Variants in XKR4 observed in about 807,000 individuals in gnomAD.
The protein encoded by XKR4 is XK-related protein 4.
A neutral mutation model predicts 53.9 loss-of-function variants in XKR4; 12 were observed. That is an observed-to-expected ratio of 0.22 (90% CI 0.14 to 0.36). The LOEUF (loss-of-function observed/expected upper bound fraction) is 0.36. XKR4 is among the 10% of genes least tolerant of loss of function. The probability of loss-of-function intolerance (pLI) is 1.00; values close to 1 mark genes in which losing one functional copy is unlikely to be tolerated. For synonymous variants in XKR4, 354 were observed against 362.4 expected (o/e 0.98, Z 0.26); for missense variants, 799 against 859.5 (o/e 0.93, Z 0.88).
rs57869559 is a variant in XKR4, at chr8:55,144,805, C to CTATTTTATTT, written c.806+41536_806+41545dup. On this transcript the variant is annotated intron_variant, in intron 1 of 2. Transcript: ENST00000327381. Reference sequence around the variant, plus strand: ...ACCCTCCCTATTCACAGTATTACCACTATTTTATTTTATTTTATTTTATTT... The same window carrying CTATTTTATTT: ...ACCCTCCCTATTCACAGTATTACCACTATTTTATTTTATTTTATTTTATTTTATTTTATTT... Among the ~76,000 whole-genome samples the CTATTTTATTT allele has an allele frequency of 3.8e-3, 535 of 139,000 alleles. 8 individuals carry two copies. Among genetic ancestry groups the CTATTTTATTT allele is most frequent in the East Asian group, 0.012 (55 of 4,574 alleles). 91.2% of individuals were successfully genotyped at this position (139,000 alleles called of 152,430 possible).
intron 1 of XKR4, among the ~76,000 whole-genome samples, chr8:55,248,870 C>G (rs1251886397): frequency 6.6e-6 from 1 of 151,930 alleles, no homozygotes; most frequent in Non-Finnish European, 1.5e-5. Context: ...TGTTTTTTTC[C>G]TTATTCTACT....
chr8:55,238,269 G>A (rs1312201156), intron 1 of XKR4, among the ~76,000 whole-genome samples: 1 of 152,176 alleles, frequency 6.6e-6, no homozygotes, highest in African/African-American at 2.4e-5. Context: ...TAGGCCCAAG[G>A]CTGCTGGTTT....
chr8:55,480,197 T>G (rs1228013157), intron 2 of XKR4, among the ~76,000 whole-genome samples: 4 of 152,198 alleles, frequency 2.6e-5, no homozygotes, highest in African/African-American at 7.2e-5. Flanking sequence ...AAAAAGCTTA[T>G]CCACCACAAT....
intron 1 of XKR4, among the ~76,000 whole-genome samples, chr8:55,162,374 A>G (rs1231274603): frequency 6.6e-6 from 1 of 152,232 alleles, no homozygotes; most frequent in Non-Finnish European, 1.5e-5. Context: ...AAGCCTACTG[A>G]TCTTTGCCAT....
intron 2 of XKR4, among the ~76,000 whole-genome samples, chr8:55,491,862 T>C (rs1806277502): frequency 6.6e-6 from 1 of 152,172 alleles, no homozygotes; most frequent in Admixed American, 6.5e-5. Context: ...ATTGTTCCGT[T>C]TACAACTCCC....
intron 1 of XKR4, among the ~76,000 whole-genome samples, chr8:55,258,274 A>G (rs1818469153): frequency 6.6e-6 from 1 of 152,202 alleles, no homozygotes; most frequent in Admixed American, 6.5e-5. Context: ...GTTTGGGTGC[A>G]TCCTCACGTG....
chr8:55,369,416 GA>G (rs1366988724), intron 2 of XKR4, among the ~76,000 whole-genome samples: 2 of 109,582 alleles, frequency 1.8e-5, no homozygotes, highest in Admixed American at 8.9e-5. Flanking sequence ...GAAAGGAAGG[GA>G]AGGGAAAGGA....
intron 2 of XKR4, among the ~76,000 whole-genome samples, chr8:55,472,180 GT>G (rs987027057): frequency 6.6e-6 from 1 of 152,110 alleles, no homozygotes; most frequent in African/African-American, 2.4e-5. Flanking sequence ...TAAAGATACA[GT>G]TTTAGGGTCA....
chr8:55,474,652 T>A (rs540970319), intron 2 of XKR4, among the ~76,000 whole-genome samples: 1 of 152,252 alleles, frequency 6.6e-6, no homozygotes, highest in African/African-American at 2.4e-5. Flanking sequence ...ATGCTGAGTA[T>A]CCATCTCCCC....
At chr8:55,423,130 C>A in intron 2 of XKR4, among the ~76,000 whole-genome samples, 1 of 151,240 alleles carries the variant, frequency 6.6e-6, no homozygotes, top group Non-Finnish European at 1.5e-5. Context: ...AAGTCTTGCT[C>A]TGTTGCCCAG....
intron 1 of XKR4, among the ~76,000 whole-genome samples, chr8:55,152,418 G>T (rs981292494): frequency 6.6e-6 from 1 of 152,066 alleles, no homozygotes; most frequent in Non-Finnish European, 1.5e-5. Context: ...ACAGAAAAAT[G>T]GCAGGTTTTA....
At chr8:55,492,536 G>C (rs1806285845) in intron 2 of XKR4, among the ~76,000 whole-genome samples, 1 of 152,202 alleles carries the variant, frequency 6.6e-6, no homozygotes, top group Non-Finnish European at 1.5e-5. Flanking sequence ...TTGTGTTCTA[G>C]GCAGTCCTGA....
At chr8:55,224,850 T>C (rs537884240) in intron 1 of XKR4, among the ~76,000 whole-genome samples, 5 of 152,206 alleles carry the variant, frequency 3.3e-5, no homozygotes, top group Non-Finnish European at 5.9e-5. Context: ...CATTTCTTGT[T>C]CTATAGAAAC....
chr8:55,119,996 G>A (rs1336826925), intron 1 of XKR4, among the ~76,000 whole-genome samples: 1 of 152,196 alleles, frequency 6.6e-6, no homozygotes, highest in African/African-American at 2.4e-5. Flanking sequence ...ATACAGTATA[G>A]TGGATAATTA....
At chr8:55,391,113 C>G (rs1164700802) in intron 2 of XKR4, among the ~76,000 whole-genome samples, 2 of 152,158 alleles carry the variant, frequency 1.3e-5, no homozygotes, top group Non-Finnish European at 2.9e-5. Context: ...TGACAGAGGT[C>G]CGAATGTCTC....
chr8:55,216,329 C>T (rs549817056), intron 1 of XKR4, among the ~76,000 whole-genome samples: 1 of 152,278 alleles, frequency 6.6e-6, no homozygotes, highest in South Asian at 2.1e-4. Flanking sequence ...GGCACATGCC[C>T]TGCTTGCTAT....
intron 2 of XKR4, among the ~76,000 whole-genome samples, chr8:55,407,512 G>A (rs1028824601): frequency 2.0e-5 from 3 of 152,214 alleles, no homozygotes; most frequent in Non-Finnish European, 4.4e-5. Flanking sequence ...GCACATTCAC[G>A]GGCCTGATGA....
intron 1 of XKR4, among the ~76,000 whole-genome samples, chr8:55,200,690 C>T (rs193277420): frequency 1.3e-5 from 2 of 152,258 alleles, no homozygotes; most frequent in East Asian, 3.9e-4. Flanking sequence ...GTGATTTTTA[C>T]TGTTACAAAA....
chr8:55,393,872 T>A (rs1318256786), intron 2 of XKR4, among the ~76,000 whole-genome samples: 1 of 152,174 alleles, frequency 6.6e-6, no homozygotes, highest in Non-Finnish European at 1.5e-5. Flanking sequence ...AATTTTCTCT[T>A]CTTTCAAAAA....
Sources: gnomAD v4.1 joint callset for allele counts (sites outside exome capture counted in the v4.1 genomes callset) on GRCh38, gnomAD v4.1.1 for gene constraint, MANE v1.5 for transcripts, NCBI Gene and HGNC (gene_info 2026-07-23, HGNC 2026-07-21) for gene names.